The following KPNA6 variants were observed in gnomAD, a reference collection of about 807,000 sequenced individuals.
KPNA6 encodes the protein importin subunit alpha-7.
In KPNA6, 9 loss-of-function variants were observed where a neutral mutation model predicts 72.0. That is an observed-to-expected ratio of 0.13 (90% CI 0.08 to 0.22). KPNA6 has a LOEUF of 0.22. KPNA6 is among the 10% of genes least tolerant of loss of function. The pLI, the probability that KPNA6 is intolerant of heterozygous loss-of-function variation, is 1.00. For missense variants in KPNA6, 374 were observed against 655.7 expected (o/e 0.57, Z 4.69); for synonymous variants, 219 against 242.1 (o/e 0.90, Z 0.89).
intron 1 of KPNA6, among the ~76,000 whole-genome samples, chr1:32,121,004 G>A (rs1429383701): frequency 6.6e-6 from 1 of 152,028 alleles, no homozygotes; most frequent in Non-Finnish European, 1.5e-5. Flanking sequence ...AGCCTCCTGA[G>A]TAACTGAGAT....
intron 1 of KPNA6, among the ~76,000 whole-genome samples, chr1:32,122,446 CAA>C (rs1569998985): frequency 6.7e-6 from 1 of 150,332 alleles, no homozygotes; most frequent in Non-Finnish European, 1.5e-5. Context: ...GTGGCCTGTG[CAA>C]AGACGGTTTT....
chr1:32,160,398 G>GT (rs1204512805), intron 6 of KPNA6, among the ~76,000 whole-genome samples: 1 of 152,050 alleles, frequency 6.6e-6, no homozygotes, highest in Non-Finnish European at 1.5e-5. Context: ...ATGGCAGCCT[G>GT]TCTTTCCCTG....
chr1:32,124,337 C>T (rs930253375), intron 1 of KPNA6, among the ~76,000 whole-genome samples: 9 of 151,928 alleles, frequency 5.9e-5, no homozygotes, highest in Non-Finnish European at 8.8e-5. Context: ...CACACCACTG[C>T]ACTCCAGCCT....
rs778721861 is a variant in KPNA6 at position 32,167,151 on chromosome 1, CT to C, written c.1117-17del. 3.7e-5 allele frequency: 60 copies of C among 1,611,062 alleles called. No homozygotes were observed. Among genetic ancestry groups the C allele is most frequent in the Non-Finnish European group, 5.0e-5 (59 of 1,177,830 alleles). On this transcript the variant is annotated splice_polypyrimidine_tract_variant and intron_variant, in intron 11 of 13. Transcript: ENST00000373625. ...ATGACTTTCTCCTTCCATCTGCCTC[CT>C]CTCAATTCTCTCTCAGGCTGTTATA...
intron 1 of KPNA6, among the ~76,000 whole-genome samples, chr1:32,142,166 G>A (rs1187979448): frequency 6.6e-6 from 1 of 150,428 alleles, no homozygotes; most frequent in Non-Finnish European, 1.5e-5. Flanking sequence ...TGAGGCAGGA[G>A]GATCGCTTGA....
rs993996012 is a variant in KPNA6, at chr1:32,175,404, G to A, written c.*4510G>A. ...CTGTTCTCCTGTAACTATTATATACGCCATGGCCTGGGGGGCATTGAAGGA... is the reference window on the plus strand; with the variant it reads ...CTGTTCTCCTGTAACTATTATATACACCATGGCCTGGGGGGCATTGAAGGA... On this transcript the variant is annotated 3_prime_UTR_variant, in exon 14 of 14. Coordinates refer to ENST00000373625, the MANE Select transcript of KPNA6 (RefSeq NM_012316.5). 1 of 152,220 alleles carries A rather than the reference G, an allele frequency of 6.6e-6. No homozygotes were observed. Among genetic ancestry groups the A allele is most frequent in the Admixed American group, 6.5e-5 (1 of 15,278 alleles). The allele number at this position is 152,220 out of a possible 1,614,324, so 9.4% of individuals were successfully genotyped here. A position where few individuals can be genotyped will look rare whatever the true frequency, so the allele number is the denominator to read the frequency against.
At chr1:32,161,181 CA>C (rs1413403960) in intron 7 of KPNA6, among the ~76,000 whole-genome samples, 4 of 152,076 alleles carry the variant, frequency 2.6e-5, no homozygotes, top group African/African-American at 7.2e-5. Context: ...ACCCATCTGC[CA>C]AAAAGGATCT....
chr1:32,160,606 C>G lies in KPNA6; in HGVS notation c.559-9C>G, dbSNP rs750981787. On this transcript the variant is annotated splice_polypyrimidine_tract_variant and intron_variant, in intron 6 of 13. Coordinates refer to ENST00000373625, the MANE Select transcript of KPNA6 (RefSeq NM_012316.5). ...TTTGTGGGTGACAGTTTCATTATCC[C>G]CTTTTCAGGCAGTCTGGGCACTGGG... The G allele has an allele frequency of 1.9e-6, 3 of 1,612,076 alleles. No individual in the cohort carries two copies. The Admixed American group carries it at 5.0e-5, about 27-fold the overall frequency.
chr1:32,131,629 T>C (rs1008397045), intron 1 of KPNA6, among the ~76,000 whole-genome samples: 1 of 151,650 alleles, frequency 6.6e-6, no homozygotes, highest in Non-Finnish European at 1.5e-5. Context: ...TATACATATA[T>C]ACATATATGT....
intron 1 of KPNA6, among the ~76,000 whole-genome samples, chr1:32,130,160 G>T (rs557251164): frequency 7.9e-5 from 12 of 151,672 alleles, no homozygotes; most frequent in African/African-American, 2.9e-4. Context: ...TTGACTTTGG[G>T]GTATTTGAAA....
intron 5 of KPNA6, 147 bp from the exon 6 acceptor site, chr1:32,159,253 G>C: frequency 1.3e-6 from 1 of 744,864 alleles, no homozygotes; most frequent in Non-Finnish European, 2.2e-6. Context: ...TTTTAAATTC[G>C]TGGGCAAGAG....
rs116013827 is a variant in KPNA6, at chr1:32,125,539, A to G, written c.4+17405A>G. Reference sequence around the variant, plus strand: ...CATAATTTTGTAGCATAGATCCTGCATATATTTTGGCTGCCTTCCATGAAG... The same window carrying G: ...CATAATTTTGTAGCATAGATCCTGCGTATATTTTGGCTGCCTTCCATGAAG... On this transcript the variant is annotated intron_variant, in intron 1 of 13. Transcript: ENST00000373625. Among the ~76,000 whole-genome samples, 832 of 152,318 alleles carry G rather than the reference A, an allele frequency of 5.5e-3. 11 individuals carry two copies. Among genetic ancestry groups the G allele is most frequent in the African/African-American group, 0.019 (803 of 41,564 alleles).
At chr1:32,130,791 CAAAG>C (rs1413959322) in intron 1 of KPNA6, among the ~76,000 whole-genome samples, 1 of 151,614 alleles carries the variant, frequency 6.6e-6, no homozygotes, top group Non-Finnish European at 1.5e-5. Context: ...ACAGGCATCT[CAAAG>C]AAGTTCATTA....
At chr1:32,163,133 G>GT (rs1187581940) in intron 9 of KPNA6, 102 bp from the exon 10 acceptor site, 22 of 739,938 alleles carry the variant, frequency 3.0e-5, no homozygotes, top group Non-Finnish European at 4.1e-5. Flanking sequence ...AAAAAAAAGG[G>GT]TACAGGTTCC....
chr1:32,109,679 T>C (rs1641210116), intron 1 of KPNA6, among the ~76,000 whole-genome samples: 1 of 150,886 alleles, frequency 6.6e-6, no homozygotes, highest in South Asian at 2.1e-4. Context: ...AGTCTGGCTC[T>C]GTTGCCCAGG....
chr1:32,133,096 C>A (rs980667901), intron 1 of KPNA6, among the ~76,000 whole-genome samples: 1 of 152,080 alleles, frequency 6.6e-6, no homozygotes, highest in African/African-American at 2.4e-5. Context: ...GTAATCCCAG[C>A]ACTCTGGGAG....
At chr1:32,133,976 C>T (rs998509751) in intron 1 of KPNA6, among the ~76,000 whole-genome samples, 2 of 151,982 alleles carry the variant, frequency 1.3e-5, no homozygotes, top group Non-Finnish European at 2.9e-5. Context: ...GGCGTGGTGG[C>T]TCATGCCTGT....
At chr1:32,126,407 G>A (rs1371085159) in intron 1 of KPNA6, among the ~76,000 whole-genome samples, 1 of 148,610 alleles carries the variant, frequency 6.7e-6, no homozygotes, top group African/African-American at 2.5e-5. Context: ...TTTTTGAGAT[G>A]GAGTTTTTGC....
chr1:32,154,498 G>C, intron 1 of KPNA6, 90 bp from the exon 2 acceptor site: 1 of 1,400,138 alleles, frequency 7.1e-7, no homozygotes, highest in South Asian at 1.4e-5. Context: ...CAGAGTAGGG[G>C]AGGGTGAAGG....
Sources: gnomAD v4.1 joint callset for allele counts (sites outside exome capture counted in the v4.1 genomes callset) on GRCh38, gnomAD v4.1.1 for gene constraint, MANE v1.5 for transcripts, NCBI Gene and HGNC (gene_info 2026-07-23, HGNC 2026-07-21) for gene names.